AUTS2: variants seen among roughly 807,000 people sequenced by gnomAD.
The protein encoded by AUTS2 is autism susceptibility gene 2 protein.
A neutral mutation model predicts 112.4 loss-of-function variants in AUTS2; 17 were observed. The ratio of observed to expected loss-of-function variants is 0.15; its 90% CI spans 0.10 to 0.23. The LOEUF is 0.23. AUTS2 is among the 10% of genes least tolerant of loss of function. The probability of loss-of-function intolerance (pLI) is 1.00; values close to 1 mark genes in which losing one functional copy is unlikely to be tolerated. For missense variants in AUTS2, 1,510 were observed against 1,701.6 expected (o/e 0.89, Z 1.98); for synonymous variants, 751 against 702.7 (o/e 1.07, Z -1.09).
intron 5 of AUTS2, among the ~76,000 whole-genome samples, chr7:70,605,278 G>C (rs963256329): frequency 1.3e-5 from 2 of 152,148 alleles, no homozygotes; most frequent in African/African-American, 4.8e-5. Context: ...GCCTGTTCCT[G>C]GTTTTTGACG....
At chr7:70,400,010 T>G (rs1794257984) in intron 4 of AUTS2, among the ~76,000 whole-genome samples, 1 of 152,206 alleles carries the variant, frequency 6.6e-6, no homozygotes. Flanking sequence ...ATTCCCTTCC[T>G]TCAGCAACCA....
At chr7:69,889,243 CTG>C (rs1794414190) in intron 1 of AUTS2, among the ~76,000 whole-genome samples, 2 of 152,172 alleles carry the variant, frequency 1.3e-5, no homozygotes, top group African/African-American at 4.8e-5. Flanking sequence ...GTCCTCTACT[CTG>C]TTCTCTGCTA....
intron 4 of AUTS2, among the ~76,000 whole-genome samples, chr7:70,145,478 A>G (rs1203955139): frequency 6.6e-6 from 1 of 152,130 alleles, no homozygotes; most frequent in Non-Finnish European, 1.5e-5. Flanking sequence ...ATGTATGTGA[A>G]CAAGCAGTAT....
chr7:69,771,415 C>T (rs559822802), intron 1 of AUTS2, among the ~76,000 whole-genome samples: 109 of 152,260 alleles, frequency 7.2e-4, no homozygotes, highest in Admixed American at 7.8e-4. Context: ...GTGTTGAACA[C>T]GGGGGTACAG....
intron 6 of AUTS2, among the ~76,000 whole-genome samples, chr7:70,739,031 T>C (rs1787945125): frequency 1.6e-5 from 1 of 62,686 alleles, no homozygotes; most frequent in African/African-American, 7.3e-5. Flanking sequence ...TTTTTTTTTT[T>C]TTTTTTGAGA....
At chr7:70,044,627 A>T (rs944336032) in intron 2 of AUTS2, among the ~76,000 whole-genome samples, 1 of 152,200 alleles carries the variant, frequency 6.6e-6, no homozygotes, top group African/African-American at 2.4e-5. Flanking sequence ...TACTTAATTG[A>T]TGAGTAAATG....
Position 70,577,295 on chromosome 7 carries a change from A to C in AUTS2, c.691-121274A>C, listed in dbSNP as rs557251427. On this transcript the variant is annotated intron_variant, in intron 5 of 18. Coordinates refer to ENST00000342771, the MANE Select transcript of AUTS2 (RefSeq NM_015570.4). Reference sequence around the variant, plus strand: ...AAGCCTAGAGCCAGCTTCCTGGCCCATCTGTTATAAATAAGTGGTTAAGTG... The same window carrying C: ...AAGCCTAGAGCCAGCTTCCTGGCCCCTCTGTTATAAATAAGTGGTTAAGTG... Among the ~76,000 whole-genome samples the C allele has an allele frequency of 3.1e-4, 47 of 152,314 alleles. 2 individuals carry two copies. In the South Asian group the frequency reaches 7.7e-3, roughly 25 times the overall value.
intron 1 of AUTS2, among the ~76,000 whole-genome samples, chr7:69,655,296 T>C (rs1443286697): frequency 6.6e-6 from 1 of 152,248 alleles, no homozygotes. Flanking sequence ...GCAGCTGTTT[T>C]GTGGATATAA....
At chr7:70,120,315 TC>T (rs1276314126) in intron 3 of AUTS2, 8 of 152,176 alleles carry the variant, frequency 5.3e-5, no homozygotes, top group Non-Finnish European at 1.0e-4. Flanking sequence ...GATAATAACC[TC>T]CCCTTCTTCT....
chr7:70,544,622 C>A (rs1263753644), intron 5 of AUTS2, among the ~76,000 whole-genome samples: 1 of 152,112 alleles, frequency 6.6e-6, no homozygotes, highest in Non-Finnish European at 1.5e-5. Flanking sequence ...ATCACACAGG[C>A]CTGCAGTTAG....
chr7:69,954,772 G>T (rs1005768639), intron 2 of AUTS2, among the ~76,000 whole-genome samples: 3 of 152,156 alleles, frequency 2.0e-5, no homozygotes, highest in Admixed American at 6.5e-5. Flanking sequence ...TATCTTTGGG[G>T]CTATTTGAGA....
intron 4 of AUTS2, among the ~76,000 whole-genome samples, chr7:70,273,195 C>T (rs998944385): frequency 2.0e-5 from 3 of 152,078 alleles, no homozygotes; most frequent in Non-Finnish European, 2.9e-5. Flanking sequence ...AGGTGCCTGC[C>T]ACAACACCTG....
At chr7:70,170,585 G>A (rs1189543155) in intron 4 of AUTS2, among the ~76,000 whole-genome samples, 1 of 149,698 alleles carries the variant, frequency 6.7e-6, no homozygotes, top group African/African-American at 2.5e-5. Context: ...ATATACTAGG[G>A]ACACGTTATC....
intron 6 of AUTS2, among the ~76,000 whole-genome samples, chr7:70,751,369 A>G (rs1788836205): frequency 1.3e-5 from 2 of 152,232 alleles, no homozygotes; most frequent in Non-Finnish European, 2.9e-5. Context: ...CTGTATCTTT[A>G]TTTTATTCAA....
intron 5 of AUTS2, among the ~76,000 whole-genome samples, chr7:70,576,182 C>T (rs1373552137): frequency 6.6e-6 from 1 of 152,126 alleles, no homozygotes; most frequent in African/African-American, 2.4e-5. Context: ...CACCAGTGCA[C>T]TGGGCAGGAC....
chr7:69,739,576 C>T (rs781024864), intron 1 of AUTS2, among the ~76,000 whole-genome samples: 1 of 152,158 alleles, frequency 6.6e-6, no homozygotes, highest in African/African-American at 2.4e-5. Flanking sequence ...ACCAAAAATA[C>T]CTCAACCAAA....
chr7:70,252,201 T>A lies in AUTS2; in HGVS notation c.660+117630T>A, dbSNP rs568625187. Among the ~76,000 whole-genome samples the A allele has an allele frequency of 2.0e-5, 3 of 152,290 alleles. No homozygotes were observed. In the South Asian group the frequency reaches 6.2e-4, roughly 32 times the overall value. On this transcript the variant is annotated intron_variant, in intron 4 of 18. Transcript: ENST00000342771. ...TTCTATTTTTAATTTTCTGAGGAAC[T>A]TTCATACTGTTTTCCTTCATGGCTG... is the stretch of plus-strand genomic sequence containing the variant.
intron 1 of AUTS2, among the ~76,000 whole-genome samples, chr7:69,625,035 G>C (rs151307779): frequency 1.4e-3 from 211 of 151,746 alleles, no homozygotes; most frequent in African/African-American, 4.5e-3. Flanking sequence ...GAAGCGGGAG[G>C]AGTGGTGTCA....
chr7:69,917,943 A>G (rs1361906688), intron 2 of AUTS2, among the ~76,000 whole-genome samples: 1 of 151,958 alleles, frequency 6.6e-6, no homozygotes, highest in Non-Finnish European at 1.5e-5. Context: ...CCTGGGTTCA[A>G]ACGATTCTTC....
Sources: allele counts gnomAD v4.1 joint callset (sites outside exome capture counted in the v4.1 genomes callset), GRCh38; gene constraint gnomAD v4.1.1; transcripts MANE v1.5; gene names NCBI Gene and HGNC (gene_info 2026-07-23, HGNC 2026-07-21).